The following BMAL1 variants were observed in gnomAD, a reference collection of about 807,000 sequenced individuals.
BMAL1 encodes the protein basic helix-loop-helix ARNT like 1.
chr11:13,354,615 T>G, the BMAL1 span: 25 of 878,694 alleles, frequency 2.8e-5, no homozygotes, highest in Middle Eastern at 3.6e-4. Context: ...TCCCCTAGTT[T>G]GTAAGCAAGA....
chr11:13,308,815 G>A, the BMAL1 span, among the ~76,000 whole-genome samples: 1 of 152,176 alleles, frequency 6.6e-6, no homozygotes, highest in South Asian at 2.1e-4. Flanking sequence ...AGGAAACAGT[G>A]CTTCTGGCTT....
chr11:13,319,549 T>C, the BMAL1 span, among the ~76,000 whole-genome samples: 1 of 152,220 alleles, frequency 6.6e-6, no homozygotes, highest in Admixed American at 6.5e-5. Flanking sequence ...AATAATGCCA[T>C]CAAAATTACA....
chr11:13,288,427 T>TCTTTCTTTCTTTCTTTCTTTCTTTCTTC, the BMAL1 span, among the ~76,000 whole-genome samples: 7 of 66,112 alleles, frequency 1.1e-4, no homozygotes, highest in African/African-American at 3.2e-4. Flanking sequence ...TTTTTTTCTT[T>TCTTTCTTTCTTTCTTTCTTTCTTTCTTC]TTTTTTTTTT....
chr11:13,303,607 T>G, the BMAL1 span, among the ~76,000 whole-genome samples: 3 of 152,206 alleles, frequency 2.0e-5, no homozygotes, highest in African/African-American at 7.2e-5. Context: ...GCAGGCAGCC[T>G]TCCTTGCAGT....
the BMAL1 span, among the ~76,000 whole-genome samples, chr11:13,278,820 G>A: frequency 1.3e-5 from 2 of 152,238 alleles, no homozygotes; most frequent in Non-Finnish European, 2.9e-5. Flanking sequence ...GGAAGAAAAG[G>A]TTCCCGCTCG....
the BMAL1 span, among the ~76,000 whole-genome samples, chr11:13,283,344 T>G: frequency 6.6e-6 from 1 of 152,244 alleles, no homozygotes; most frequent in Non-Finnish European, 1.5e-5. Context: ...GGAATAATAA[T>G]TATTACGATA....
the BMAL1 span, among the ~76,000 whole-genome samples, chr11:13,291,085 G>T: frequency 3.3e-5 from 5 of 152,300 alleles, no homozygotes; most frequent in South Asian, 1.0e-3. Context: ...GACAACAAAA[G>T]AAATTTCTGT....
chr11:13,385,935 A>T, the BMAL1 span: 1 of 689,284 alleles, frequency 1.5e-6, no homozygotes, highest in Non-Finnish European at 2.3e-6. Context: ...AATTTGTTTA[A>T]ATCTCTAAAA....
the BMAL1 span, among the ~76,000 whole-genome samples, chr11:13,371,932 A>G: frequency 6.6e-6 from 1 of 152,134 alleles, no homozygotes; most frequent in Non-Finnish European, 1.5e-5. Context: ...TCCTTGGTGT[A>G]TGTAATGAAT....
At chr11:13,295,335 G>C in the BMAL1 span, among the ~76,000 whole-genome samples, 1 of 31,990 alleles carries the variant, frequency 3.1e-5, no homozygotes, top group African/African-American at 5.0e-5. Context: ...GTGGTAGAGG[G>C]AGAGAGAGAG....
chr11:13,375,394 T>C, the BMAL1 span, among the ~76,000 whole-genome samples: 1 of 152,232 alleles, frequency 6.6e-6, no homozygotes, highest in Non-Finnish European at 1.5e-5. Context: ...TTTTACAGAC[T>C]ATGGAAAATC....
chr11:13,318,355 C>T, the BMAL1 span, among the ~76,000 whole-genome samples: 1 of 152,020 alleles, frequency 6.6e-6, no homozygotes, highest in Admixed American at 6.5e-5. Context: ...TACCTTCTCT[C>T]CTCTCTGTGG....
At chr11:13,313,286 C>G in the BMAL1 span, among the ~76,000 whole-genome samples, 2 of 152,188 alleles carry the variant, frequency 1.3e-5, no homozygotes, top group South Asian at 4.1e-4. Context: ...TTGTCCTTAG[C>G]TTCTGGTTTG....
chr11:13,292,863 A>T, the BMAL1 span, among the ~76,000 whole-genome samples: 1 of 152,226 alleles, frequency 6.6e-6, no homozygotes, highest in Non-Finnish European at 1.5e-5. Flanking sequence ...GTCATTTTTA[A>T]GGGAAAGACC....
At chr11:13,385,332 A>T in the BMAL1 span, among the ~76,000 whole-genome samples, 1 of 152,208 alleles carries the variant, frequency 6.6e-6, no homozygotes, top group African/African-American at 2.4e-5. Flanking sequence ...ATCTGTCACT[A>T]TAAGATGTTT....
the BMAL1 span, among the ~76,000 whole-genome samples, chr11:13,306,031 G>A: frequency 6.6e-6 from 1 of 152,160 alleles, no homozygotes; most frequent in Non-Finnish European, 1.5e-5. Context: ...TCTTCAGACT[G>A]CCATTTGGAG....
At chr11:13,324,151 C>G in the BMAL1 span, among the ~76,000 whole-genome samples, 1 of 152,050 alleles carries the variant, frequency 6.6e-6, no homozygotes, top group Non-Finnish European at 1.5e-5. Flanking sequence ...TACCCTCGTT[C>G]AAACCTCCAC....
At chr11:13,307,469 A>T in the BMAL1 span, among the ~76,000 whole-genome samples, 2 of 152,222 alleles carry the variant, frequency 1.3e-5, no homozygotes, top group Non-Finnish European at 2.9e-5. Context: ...ACAGGGATAG[A>T]GTCCTAGAGA....
chr11:13,318,559 T>TGC, the BMAL1 span, among the ~76,000 whole-genome samples: 1 of 149,272 alleles, frequency 6.7e-6, no homozygotes, highest in African/African-American at 2.5e-5. Context: ...TTTTTTTTTT[T>TGC]TTTTTTTTTT....
Sources: allele counts gnomAD v4.1 joint callset (sites outside exome capture counted in the v4.1 genomes callset), GRCh38; gene constraint gnomAD v4.1.1; transcripts MANE v1.5; gene names NCBI Gene and HGNC (gene_info 2026-07-23, HGNC 2026-07-21).